The following ABL1 variants were observed in gnomAD, a reference collection of about 807,000 sequenced individuals.
ABL1 encodes the protein ABL proto-oncogene 1, non-receptor tyrosine kinase.
A neutral mutation model predicts 94.7 loss-of-function variants in ABL1; 11 were observed. That is an observed-to-expected ratio of 0.12 (90% CI 0.07 to 0.19). The LOEUF is 0.19. Among genes scored for constraint, ABL1 ranks in the 10% least tolerant of loss-of-function variants. ABL1 has a pLI of 1.00. For synonymous variants in ABL1, 656 were observed against 622.4 expected (o/e 1.05, Z -0.80); for missense variants, 1,082 against 1,489.4 (o/e 0.73, Z 4.50).
intron 1 of ABL1, among the ~76,000 whole-genome samples, chr9:130,738,750 A>C (rs978799925): frequency 1.3e-5 from 2 of 152,330 alleles, no homozygotes. Flanking sequence ...TCAAAGCCCC[A>C]GTTTCCAAGA....
chr9:130,834,143 A>G, upstream of ABL1: 2 of 452,370 alleles, frequency 4.4e-6, no homozygotes, highest in Non-Finnish European at 8.9e-6. Flanking sequence ...GAATTGGGAT[A>G]ATCTGTTTCC....
intron 7 of ABL1, among the ~76,000 whole-genome samples, chr9:130,877,214 T>A (rs34230734): frequency 0.02 from 2,904 of 148,318 alleles, 441 homozygotes; most frequent in African/African-American, 0.071. Flanking sequence ...TAGTTTTCCA[T>A]GACGTCCGCG....
intron 1 of ABL1, among the ~76,000 whole-genome samples, chr9:130,837,028 C>T (rs895719338): frequency 6.6e-6 from 1 of 152,176 alleles, no homozygotes; most frequent in African/African-American, 2.4e-5. Context: ...GCAGATCGCA[C>T]TAGTGATGTG....
At chr9:130,782,009 C>G (rs1004283828) in intron 1 of ABL1, among the ~76,000 whole-genome samples, 5 of 152,080 alleles carry the variant, frequency 3.3e-5, no homozygotes, top group African/African-American at 1.2e-4. Context: ...TGAAGAAGGT[C>G]TGGATTAGTA....
chr9:130,714,669 C>G (rs1055940669), intron 1 of ABL1, among the ~76,000 whole-genome samples: 2 of 152,286 alleles, frequency 1.3e-5, no homozygotes, highest in Non-Finnish European at 1.5e-5. Context: ...TTGCTTATTT[C>G]TTGCCTGATT....
intron 1 of ABL1, among the ~76,000 whole-genome samples, chr9:130,746,222 GT>G (rs34739380): frequency 0.77 from 112,739 of 146,648 alleles, 43,473 homozygotes; most frequent in East Asian, 0.97. Flanking sequence ...AATTTAATGC[GT>G]TTTTTTTTTT....
At chr9:130,855,406 A>T (rs1460521197) in intron 3 of ABL1, among the ~76,000 whole-genome samples, 1 of 86,634 alleles carries the variant, frequency 1.2e-5, no homozygotes, top group Non-Finnish European at 2.1e-5. Context: ...TTCTTCCTTT[A>T]AAAAAAATAT....
chr9:130,849,280 A>G (rs1434225164), intron 1 of ABL1, among the ~76,000 whole-genome samples: 3 of 152,110 alleles, frequency 2.0e-5, no homozygotes, highest in South Asian at 2.1e-4. Context: ...TGTGTTGATC[A>G]CTTAGGATAA....
intron 1 of ABL1, among the ~76,000 whole-genome samples, chr9:130,818,627 TA>T (rs1830320210): frequency 6.6e-6 from 1 of 152,224 alleles, no homozygotes; most frequent in Non-Finnish European, 1.5e-5. Context: ...CTTTTAGGCT[TA>T]TAATTCATTT....
chr9:130,858,480 C>T (rs539388224), intron 3 of ABL1, among the ~76,000 whole-genome samples: 18 of 152,204 alleles, frequency 1.2e-4, no homozygotes, highest in East Asian at 7.7e-4. Context: ...TCCCATCAGC[C>T]GTTTGGGCAC....
At chr9:130,718,365 T>A (rs997267264) in intron 1 of ABL1, among the ~76,000 whole-genome samples, 1 of 151,668 alleles carries the variant, frequency 6.6e-6, no homozygotes, top group Non-Finnish European at 1.5e-5. Context: ...TGTTTTGATG[T>A]AGCATCAAAG....
chr9:130,854,972 G>A lies in ABL1; in HGVS notation c.425G>A (p.Ser142Asn). The change falls in exon 3 of 11, where the codon AGC becomes AAC. Residue 142 changes from serine to asparagine, a missense_variant. Around this residue, in one of 7 missense-constraint regions of ABL1, gnomAD observed 47 missense variants for 142.2 expected, o/e 0.33. Transcript: ENST00000318560. ...CGCAATGCCGCTGAGTATCTGCTGA[G>A]CAGCGGGATCAATGGCAGCTTCTTG... ...VSRNAAEYLL[S>N]SGINGSFLVR... 6.2e-7 allele frequency: 1 copy of A among 1,614,222 alleles called. No individual in the cohort carries two copies. The highest frequency in any genetic ancestry group is 8.5e-7 in the Non-Finnish European group (1 of 1,180,034).
At chr9:130,836,972 C>T (rs1830599465) in intron 1 of ABL1, among the ~76,000 whole-genome samples, 1 of 152,010 alleles carries the variant, frequency 6.6e-6, no homozygotes, top group Non-Finnish European at 1.5e-5. Context: ...ATTTTTCTTT[C>T]CTTAACCTCT....
intron 1 of ABL1, among the ~76,000 whole-genome samples, chr9:130,766,045 A>G (rs1832178608): frequency 6.6e-6 from 1 of 152,200 alleles, no homozygotes; most frequent in African/African-American, 2.4e-5. Flanking sequence ...GCAGATGGAG[A>G]TGAAGTGGGT....
intron 1 of ABL1, among the ~76,000 whole-genome samples, chr9:130,760,943 CTTTTT>C (rs35842480): frequency 1.2e-5 from 1 of 85,262 alleles, no homozygotes; most frequent in African/African-American, 6.3e-5. Flanking sequence ...CCCGCCCCTG[CTTTTT>C]TTTTTTTTTT....
intron 1 of ABL1, among the ~76,000 whole-genome samples, chr9:130,731,684 C>G (rs1312318858): frequency 6.6e-6 from 1 of 152,096 alleles, no homozygotes; most frequent in Non-Finnish European, 1.5e-5. Flanking sequence ...ATCTTAATGC[C>G]TGGTAGAATA....
At position 130,885,392 on chromosome 9, in the gene ABL1, C is replaced by G. The variant is rs1831558257; in HGVS notation, c.3102C>G (p.Asp1034Glu). ...CCATCACCAAGGGCGTGGTCCTGGA[C>G]AGCACCGAGGCGCTGTGCCTCGCCA... Reference protein sequence around the residue: ...SGAITKGVVLDSTEALCLAIS... With the variant: ...SGAITKGVVLESTEALCLAIS... The change falls in exon 11 of 11, where the codon GAC (aspartate) becomes GAG (glutamate). Residue 1034 changes from aspartate (D) to glutamate (E), a missense_variant. Around this residue, in one of 7 missense-constraint regions of ABL1, gnomAD observed 780 missense variants for 835.8 expected, o/e 0.93. Transcript: ENST00000318560. 1 of 1,613,700 alleles carries G rather than the reference C, an allele frequency of 6.2e-7. No individual in the cohort carries two copies. The highest frequency in any genetic ancestry group is 2.2e-5 in the East Asian group (1 of 44,882).
At chr9:130,846,492 G>A (rs368092442) in intron 1 of ABL1, among the ~76,000 whole-genome samples, 2 of 152,190 alleles carry the variant, frequency 1.3e-5, no homozygotes, top group Admixed American at 6.5e-5. Context: ...TAAAGGGAAC[G>A]TTTGTCACGT....
Position 130,863,405 on chromosome 9 carries a change from C to G in ABL1, c.822+370C>G, listed in dbSNP as rs35137901. 2.0e-5 allele frequency among the ~76,000 whole-genome samples: 3 copies of G among 152,214 alleles called. No individual in the cohort carries two copies. The highest frequency in any genetic ancestry group is 7.2e-5 in the African/African-American group (3 of 41,526). On this transcript the variant is annotated intron_variant, in intron 4 of 10. Coordinates refer to ENST00000318560, the MANE Select transcript of ABL1 (RefSeq NM_005157.6). The surrounding 1 kb of genome is among the most constrained non-coding windows in gnomAD (Gnocchi z 4.3). ...AGAGTTAAGGAGGAAAAAAAGATCT[C>G]TGAGTTTTGAAAGAAGATTTAACCA... is the stretch of plus-strand genomic sequence containing the variant.
Sources: allele counts gnomAD v4.1 joint callset (sites outside exome capture counted in the v4.1 genomes callset), GRCh38; gene constraint gnomAD v4.1.1; regional missense constraint gnomAD v4.1.1; non-coding constraint Gnocchi (gnomAD v3.1); transcripts MANE v1.5; gene names NCBI Gene and HGNC (gene_info 2026-07-23, HGNC 2026-07-21).